Variants in DCC observed in about 807,000 individuals in gnomAD.
DCC encodes the protein netrin receptor DCC.
A neutral mutation model predicts 172.5 loss-of-function variants in DCC; 58 were observed. The observed-to-expected ratio is 0.34, with a 90% CI of 0.27 to 0.42. DCC has a LOEUF of 0.42. Among genes scored for constraint, DCC ranks in the 10% least tolerant of loss-of-function variants. DCC has a pLI of 1.00. For synonymous variants in DCC, 709 were observed against 644.5 expected (o/e 1.10, Z -1.52); for missense variants, 1,740 against 1,791.0 (o/e 0.97, Z 0.51).
intron 2 of DCC, among the ~76,000 whole-genome samples, chr18:52,805,726 C>G (rs1374227790): frequency 6.6e-6 from 1 of 152,140 alleles, no homozygotes; most frequent in Non-Finnish European, 1.5e-5. Context: ...ATTACCATGA[C>G]TTAAACCAGA....
At chr18:52,579,209 G>A (rs528451355) in intron 1 of DCC, among the ~76,000 whole-genome samples, 12 of 152,164 alleles carry the variant, frequency 7.9e-5, no homozygotes, top group Non-Finnish European at 1.3e-4. Flanking sequence ...AAATGTTCTC[G>A]TTTGCTGCCA....
chr18:52,423,442 G>A (rs568090183), intron 1 of DCC, among the ~76,000 whole-genome samples: 2 of 152,114 alleles, frequency 1.3e-5, no homozygotes, highest in Admixed American at 1.3e-4. Context: ...CTATCCTCGG[G>A]AGGTGACTAA....
intron 3 of DCC, among the ~76,000 whole-genome samples, chr18:52,921,892 A>G (rs908285580): frequency 2.0e-5 from 3 of 151,948 alleles, no homozygotes; most frequent in Non-Finnish European, 4.4e-5. Context: ...AGTTGTAGAA[A>G]CATTTCTACC....
chr18:53,467,144 T>C (rs972199070), intron 24 of DCC, among the ~76,000 whole-genome samples: 3 of 152,094 alleles, frequency 2.0e-5, no homozygotes, highest in African/African-American at 7.2e-5. Flanking sequence ...TATAACCTTA[T>C]TACATAGATA....
chr18:53,107,792 C>T (rs1188715298), intron 7 of DCC, among the ~76,000 whole-genome samples: 1 of 151,856 alleles, frequency 6.6e-6, no homozygotes, highest in South Asian at 2.1e-4. Context: ...AATAGCTAGA[C>T]TTAGAGGACA....
chr18:53,312,898 A>C, intron 13 of DCC, among the ~76,000 whole-genome samples: 1 of 95,846 alleles, frequency 1.0e-5, no homozygotes, highest in Admixed American at 1.2e-4. Flanking sequence ...AAGGGAGGGG[A>C]GAGGAGGGAA....
At chr18:53,317,396 G>A (rs565940432) in intron 13 of DCC, among the ~76,000 whole-genome samples, 5 of 152,120 alleles carry the variant, frequency 3.3e-5, no homozygotes, top group Non-Finnish European at 7.4e-5. Flanking sequence ...ATTTTATTGA[G>A]GATTTTCACA....
chr18:52,586,748 A>C (rs1312998854), intron 1 of DCC, among the ~76,000 whole-genome samples: 1 of 152,226 alleles, frequency 6.6e-6, no homozygotes, highest in Non-Finnish European at 1.5e-5. Context: ...ATGCTGATTC[A>C]GAGCATACAT....
intron 12 of DCC, among the ~76,000 whole-genome samples, chr18:53,217,977 T>C (rs2055879164): frequency 6.6e-6 from 1 of 152,062 alleles, no homozygotes; most frequent in African/African-American, 2.4e-5. Flanking sequence ...CTAGCATAGC[T>C]GGTACTACAG....
At chr18:52,729,252 C>T (rs983926830) in intron 1 of DCC, among the ~76,000 whole-genome samples, 6 of 151,998 alleles carry the variant, frequency 3.9e-5, no homozygotes, top group Admixed American at 3.3e-4. Flanking sequence ...TTTGTCTTCT[C>T]TTTCCTTTTA....
chr18:53,042,548 T>C (rs1444606443), intron 5 of DCC, among the ~76,000 whole-genome samples: 1 of 151,972 alleles, frequency 6.6e-6, no homozygotes, highest in African/African-American at 2.4e-5. Flanking sequence ...GTCCCTCTTT[T>C]TCTATTGTTT....
At chr18:53,514,362 A>C (rs1036407253) in intron 27 of DCC, among the ~76,000 whole-genome samples, 1 of 152,200 alleles carries the variant, frequency 6.6e-6, no homozygotes, top group Non-Finnish European at 1.5e-5. Flanking sequence ...AAGATCCAAA[A>C]TTGACACCCT....
intron 7 of DCC, among the ~76,000 whole-genome samples, chr18:53,076,555 T>C (rs2042727494): frequency 6.6e-6 from 1 of 152,206 alleles, no homozygotes; most frequent in Non-Finnish European, 1.5e-5. Flanking sequence ...AATGCATTTA[T>C]GCCTATACCT....
At chr18:53,495,786 C>A (rs1490139929) in intron 26 of DCC, among the ~76,000 whole-genome samples, 6 of 152,168 alleles carry the variant, frequency 3.9e-5, no homozygotes, top group Non-Finnish European at 8.8e-5. Flanking sequence ...TTCATATAGT[C>A]CCATATGTTT....
chr18:53,178,874 C>T (rs1598880088), intron 8 of DCC, 88 bp from the exon 9 acceptor site: 1 of 1,416,658 alleles, frequency 7.1e-7, no homozygotes, highest in Non-Finnish European at 9.9e-7. Context: ...CCTTTTGGTT[C>T]ACCTCACTAC....
chr18:52,620,490 T>C (rs890415150), intron 1 of DCC, among the ~76,000 whole-genome samples: 1 of 152,194 alleles, frequency 6.6e-6, no homozygotes, highest in African/African-American at 2.4e-5. Context: ...ATAAATCTCT[T>C]CCTAAGCCCA....
intron 2 of DCC, among the ~76,000 whole-genome samples, chr18:52,880,977 A>G (rs1475127951): frequency 6.6e-6 from 1 of 152,128 alleles, no homozygotes; most frequent in Non-Finnish European, 1.5e-5. Flanking sequence ...TTTCCCACCA[A>G]CACTGTAGAA....
intron 1 of DCC, among the ~76,000 whole-genome samples, chr18:52,569,212 C>T (rs978391324): frequency 3.3e-5 from 5 of 152,188 alleles, no homozygotes; most frequent in East Asian, 3.9e-4. Flanking sequence ...AGGAACACAA[C>T]GCATTTCAGC....
At chr18:53,285,490 C>T (rs568875276) in intron 12 of DCC, among the ~76,000 whole-genome samples, 1 of 152,342 alleles carries the variant, frequency 6.6e-6, no homozygotes, top group Admixed American at 6.5e-5. Context: ...GTTTGGGAAC[C>T]TTTACCTAGA....
Sources: allele counts gnomAD v4.1 joint callset (sites outside exome capture counted in the v4.1 genomes callset), GRCh38; gene constraint gnomAD v4.1.1; transcripts MANE v1.5; gene names NCBI Gene and HGNC (gene_info 2026-07-23, HGNC 2026-07-21).